The following MGMT variants were observed in gnomAD, a reference collection of about 807,000 sequenced individuals.
MGMT encodes the protein O-6-methylguanine-DNA methyltransferase, also known as methylated-DNA--protein-cysteine methyltransferase.
Under a neutral mutation model 15.9 loss-of-function variants are expected in MGMT, and 14 were observed. The observed-to-expected ratio is 0.88, with a 90% CI of 0.58 to 1.37. MGMT has a LOEUF of 1.37. Ranked by LOEUF, MGMT falls within the 40% of genes most tolerant of loss-of-function variation. The probability of loss-of-function intolerance (pLI) is 0.00; values close to 1 mark genes in which losing one functional copy is unlikely to be tolerated. For missense variants in MGMT, 282 were observed against 268.1 expected (o/e 1.05, Z -0.36); for synonymous variants, 130 against 118.2 (o/e 1.10, Z -0.65).
chr10:129,614,322 C>T (rs974455274), intron 2 of MGMT, among the ~76,000 whole-genome samples: 5 of 152,170 alleles, frequency 3.3e-5, no homozygotes, highest in African/African-American at 1.2e-4. Flanking sequence ...ACCCGTTTCC[C>T]CCACACCTGA....
intron 2 of MGMT, among the ~76,000 whole-genome samples, chr10:129,673,598 C>T (rs1247563502): frequency 6.6e-6 from 1 of 152,136 alleles, no homozygotes; most frequent in Non-Finnish European, 1.5e-5. Flanking sequence ...GAGGTGAGCA[C>T]TGGCCAAGGA....
chr10:129,539,538 G>C (rs1846022022), intron 2 of MGMT, among the ~76,000 whole-genome samples: 1 of 151,972 alleles, frequency 6.6e-6, no homozygotes, highest in African/African-American at 2.4e-5. Flanking sequence ...ACGGAGTCTT[G>C]CTCTGTCGCC....
At chr10:129,549,452 G>A (rs1846131804) in intron 2 of MGMT, among the ~76,000 whole-genome samples, 1 of 152,156 alleles carries the variant, frequency 6.6e-6, no homozygotes. Context: ...CGAGAAGAAT[G>A]TTCAGGATTT....
intron 2 of MGMT, among the ~76,000 whole-genome samples, chr10:129,616,363 C>T (rs891783007): frequency 2.6e-5 from 4 of 152,216 alleles, no homozygotes; most frequent in Non-Finnish European, 5.9e-5. Flanking sequence ...TCCAGGTGGT[C>T]TCAGGATCCC....
In MGMT at chr10:129,767,057, G is replaced by A; in HGVS notation, c.*60G>A. 2 of 1,383,768 alleles carry A rather than the reference G, an allele frequency of 1.4e-6. No homozygotes were observed. The highest frequency in any genetic ancestry group is 2.0e-6 in the Non-Finnish European group (2 of 1,023,272). 85.7% of individuals were successfully genotyped at this position (1,383,768 alleles called of 1,614,324 possible). Reference sequence around the variant, plus strand: ...CACGTGTAACACTGCATCGGATGCGGGGCGTGGAGGCACCGCTGTATTAAA... The same window carrying A: ...CACGTGTAACACTGCATCGGATGCGAGGCGTGGAGGCACCGCTGTATTAAA... On this transcript the variant is annotated 3_prime_UTR_variant, in exon 5 of 5. Coordinates refer to ENST00000651593, the MANE Select transcript of MGMT (RefSeq NM_002412.5).
intron 1 of MGMT, 105 bp from the exon 2 acceptor site, chr10:129,536,136 T>G (rs1845980789): frequency 7.8e-7 from 1 of 1,282,912 alleles, no homozygotes; most frequent in Non-Finnish European, 1.1e-6. Flanking sequence ...AGGAAGAGCT[T>G]TGGAATATAT....
At chr10:129,735,313 A>T (rs542565931) in intron 3 of MGMT, among the ~76,000 whole-genome samples, 1 of 152,102 alleles carries the variant, frequency 6.6e-6, no homozygotes, top group Admixed American at 6.5e-5. Flanking sequence ...CAAGGAATTT[A>T]TCCATTTCTT....
chr10:129,657,270 T>C (rs1847534884), intron 2 of MGMT, among the ~76,000 whole-genome samples: 1 of 152,134 alleles, frequency 6.6e-6, no homozygotes, highest in African/African-American at 2.4e-5. Context: ...ATGCATTCCA[T>C]TGAAAATTCA....
rs559571679 is a variant in MGMT, at chr10:129,652,682, C to T, written c.126-55213C>T. On this transcript the variant is annotated intron_variant, in intron 2 of 4. Transcript: ENST00000651593. The stretch of plus-strand genomic sequence containing the variant: ...GTGTGGGGGCTTCTGTGGGAGAGGA[C>T]CCTGTCCTCCGCACGTCAGCTGCCG... 3.7e-4 allele frequency among the ~76,000 whole-genome samples: 56 copies of T among 152,266 alleles called. No homozygotes were observed. In the East Asian group the frequency reaches 0.01, roughly 28 times the overall value.
rs1371299467 is a variant in MGMT at position 129,476,134 on chromosome 10, A to G, written c.-13+8838A>G. Among the ~76,000 whole-genome samples, 3 of 151,926 alleles carry G rather than the reference A, an allele frequency of 2.0e-5. No individual in the cohort carries two copies. In the East Asian group the frequency reaches 5.8e-4, roughly 30 times the overall value. On this transcript the variant is annotated intron_variant, in intron 1 of 4. Transcript: ENST00000651593. The stretch of plus-strand genomic sequence containing the variant: ...GGCCTTGAGGCAGAAGCAGTCGTTG[A>G]ATTTTCTTTTTTTTTGGTTCTCCGG...
chr10:129,625,552 G>A (rs1185955496), intron 2 of MGMT, among the ~76,000 whole-genome samples: 1 of 152,152 alleles, frequency 6.6e-6, no homozygotes, highest in African/African-American at 2.4e-5. Context: ...AAATCAATCG[G>A]TGTAATTCTC....
intron 1 of MGMT, among the ~76,000 whole-genome samples, chr10:129,507,133 G>A (rs1261100344): frequency 6.6e-6 from 1 of 152,010 alleles, no homozygotes; most frequent in African/African-American, 2.4e-5. Context: ...ACCAGTTCCT[G>A]TGAGGACCGG....
chr10:129,729,537 C>G (rs2133161225), intron 3 of MGMT, among the ~76,000 whole-genome samples: 1 of 152,316 alleles, frequency 6.6e-6, no homozygotes, highest in Non-Finnish European at 1.5e-5. Flanking sequence ...AAAATCCAGG[C>G]ACAGCTCCTT....
At chr10:129,639,533 A>G (rs771727368) in intron 2 of MGMT, among the ~76,000 whole-genome samples, 5 of 152,228 alleles carry the variant, frequency 3.3e-5, no homozygotes, top group African/African-American at 1.2e-4. Context: ...TCTGGAATAC[A>G]CTTAACAAAG....
At chr10:129,574,998 G>T (rs1333714168) in intron 2 of MGMT, among the ~76,000 whole-genome samples, 1 of 152,078 alleles carries the variant, frequency 6.6e-6, no homozygotes, top group Non-Finnish European at 1.5e-5. Flanking sequence ...CAACTGCCTG[G>T]CCGCTGTGTG....
At chr10:129,708,195 G>A (rs1189903516) in intron 3 of MGMT, 152 bp downstream of exon 3, 1 of 998,896 alleles carries the variant, frequency 1.0e-6, no homozygotes, top group South Asian at 1.6e-5. Flanking sequence ...AGGGACGGGG[G>A]TTCGCCGCCT....
intron 1 of MGMT, among the ~76,000 whole-genome samples, chr10:129,505,010 T>A (rs1342118231): frequency 6.6e-6 from 1 of 152,220 alleles, no homozygotes; most frequent in African/African-American, 2.4e-5. Context: ...TTTTGGAAAC[T>A]AAGGCCAACT....
chr10:129,627,601 C>T (rs1403578210), intron 2 of MGMT, among the ~76,000 whole-genome samples: 1 of 152,156 alleles, frequency 6.6e-6, no homozygotes, highest in African/African-American at 2.4e-5. Context: ...AGGGTCCTCA[C>T]CAACACTTCC....
At chr10:129,655,078 C>T (rs554373293) in intron 2 of MGMT, among the ~76,000 whole-genome samples, 1 of 152,282 alleles carries the variant, frequency 6.6e-6, no homozygotes, top group Admixed American at 6.5e-5. Context: ...CAGCACACTA[C>T]CGAGGTGCTC....
Sources: allele counts gnomAD v4.1 joint callset (sites outside exome capture counted in the v4.1 genomes callset), GRCh38; gene constraint gnomAD v4.1.1; transcripts MANE v1.5; gene names NCBI Gene and HGNC (gene_info 2026-07-23, HGNC 2026-07-21).